Variants in IFT46 observed in about 807,000 individuals in gnomAD.
IFT46 encodes intraflagellar transport protein 46 homolog.
IFT46 carries 19 observed loss-of-function variants against 39.6 expected under a neutral mutation model. The observed-to-expected ratio is 0.48, with a 90% CI of 0.33 to 0.70. The LOEUF is 0.70. Among genes scored for constraint, IFT46 ranks in the 30% least tolerant of loss-of-function variants. The pLI is 0.01. For missense variants in IFT46, 334 were observed against 364.8 expected (o/e 0.92, Z 0.69); for synonymous variants, 117 against 134.8 (o/e 0.87, Z 0.91).
intron 9 of IFT46, chr11:118,546,661 T>C (rs1591357445): frequency 6.4e-6 from 1 of 157,208 alleles, no homozygotes; most frequent in East Asian, 1.9e-4. Flanking sequence ...CATGCTATTT[T>C]TTCCCCCGAT....
chr11:118,569,031 A>G (rs1211960105), upstream of IFT46, among the ~76,000 whole-genome samples: 1 of 151,800 alleles, frequency 6.6e-6, no homozygotes, highest in Non-Finnish European at 1.5e-5. Context: ...CTGTAATCCC[A>G]GCACTCTGGG....
chr11:118,555,590 CT>C (rs1198027291), intron 4 of IFT46: 65 of 323,862 alleles, frequency 2.0e-4, no homozygotes, highest in Middle Eastern at 1.8e-3. Flanking sequence ...AATGGTTTTC[CT>C]TTTTTTTAAT....
chr11:118,544,792 C>T lies in IFT46; in HGVS notation c.*124G>A, dbSNP rs958309478. The T allele has an allele frequency of 4.9e-5, 34 of 690,322 alleles. No individual in the cohort carries two copies. The highest frequency in any genetic ancestry group is 8.1e-5 in the Non-Finnish European group (31 of 383,168). The allele number at this position is 690,322 out of a possible 1,614,324, so 42.8% of individuals were successfully genotyped here. A position where few individuals can be genotyped will look rare whatever the true frequency, so the allele number is the denominator to read the frequency against. On this transcript the variant is annotated 3_prime_UTR_variant, in exon 12 of 12. Transcript: ENST00000264021. ...CCCTCTGGCAGAGAGGGCAGCAGGA[C>T]ATGCACTGCCCCTGAGCCAAGCTGT...
intron 9 of IFT46, among the ~76,000 whole-genome samples, chr11:118,548,605 C>T (rs895583780): frequency 1.3e-5 from 2 of 150,866 alleles, no homozygotes; most frequent in African/African-American, 2.4e-5. Context: ...CCTCACGATC[C>T]GCCCGCCTCG....
intron 4 of IFT46, 168 bp from the exon 5 acceptor site, chr11:118,555,490 G>A (rs1239376558): frequency 1.8e-6 from 1 of 563,538 alleles, no homozygotes; most frequent in Non-Finnish European, 3.2e-6. Flanking sequence ...AAGGTTGATT[G>A]TACTTAACTC....
At chr11:118,555,444 A>G (rs764011941) in intron 4 of IFT46, 122 bp from the exon 5 acceptor site, 2 of 691,028 alleles carry the variant, frequency 2.9e-6, no homozygotes, top group African/African-American at 3.6e-5. Context: ...TGCCTCTCCA[A>G]TATCTGCCTT....
chr11:118,566,561 C>T (rs910410893), upstream of IFT46, among the ~76,000 whole-genome samples: 1 of 152,134 alleles, frequency 6.6e-6, no homozygotes, highest in African/African-American at 2.4e-5. Context: ...GGCGTGGTGG[C>T]GGACGCCTGT....
At chr11:118,548,322 C>T (rs1951743169) in intron 9 of IFT46, among the ~76,000 whole-genome samples, 1 of 149,556 alleles carries the variant, frequency 6.7e-6, no homozygotes. Context: ...TATGTAGAAC[C>T]TTTCATTTCT....
At chr11:118,560,132 G>A in intron 2 of IFT46, 1 of 381,354 alleles carries the variant, frequency 2.6e-6, no homozygotes. Flanking sequence ...ATAAACTCTG[G>A]CCAGGGGCAG....
Position 118,554,590 on chromosome 11 carries a change from G to T in IFT46, c.355-3C>A. 6.3e-7 allele frequency: 1 copy of T among 1,586,190 alleles called. No homozygotes were observed. Among genetic ancestry groups the T allele is most frequent in the Non-Finnish European group, 8.5e-7 (1 of 1,172,254 alleles). On this transcript the variant is annotated splice_polypyrimidine_tract_variant and splice_region_variant and intron_variant, in intron 6 of 11. Coordinates refer to ENST00000264021, the MANE Select transcript of IFT46 (RefSeq NM_001168618.2). Reference sequence around the variant, plus strand: ...GGCTTTCCATCAGGACGTGGGACCTGGTTAAGAAAAAGGTAAGAAAGCAGA... The same window carrying T: ...GGCTTTCCATCAGGACGTGGGACCTTGTTAAGAAAAAGGTAAGAAAGCAGA...
chr11:118,570,828 A>T (rs1938321994), upstream of IFT46, among the ~76,000 whole-genome samples: 1 of 152,184 alleles, frequency 6.6e-6, no homozygotes, highest in African/African-American at 2.4e-5. Flanking sequence ...TTAAAGATAT[A>T]ATTTACAAAT....
chr11:118,555,111 A>G (rs1555069216), intron 5 of IFT46, 28 bp from the exon 6 acceptor site: 1 of 1,576,582 alleles, frequency 6.3e-7, no homozygotes, highest in East Asian at 2.2e-5. Context: ...GGGAAGGTGG[A>G]GACAGTCAGA....
At chr11:118,561,124 G>A in intron 2 of IFT46, 1 of 1,480,838 alleles carries the variant, frequency 6.8e-7, no homozygotes, top group Non-Finnish European at 9.3e-7. Context: ...CCTGCTATTT[G>A]GATACAGGTC....
At chr11:118,559,657 A>G (rs1386969589) in intron 3 of IFT46, 128 bp downstream of exon 3, 1 of 737,040 alleles carries the variant, frequency 1.4e-6, no homozygotes, top group Non-Finnish European at 2.4e-6. Flanking sequence ...ATTTTCCTCC[A>G]TGAGCTCAAA....
At chr11:118,574,430 C>T (rs540522058), upstream of IFT46, among the ~76,000 whole-genome samples, 1 of 152,216 alleles carries the variant, frequency 6.6e-6, no homozygotes, top group African/African-American at 2.4e-5. Flanking sequence ...TTTCCAACAT[C>T]TGGAAAAGTT....
intron 9 of IFT46, among the ~76,000 whole-genome samples, chr11:118,550,956 G>C (rs953124238): frequency 4.7e-4 from 72 of 151,628 alleles, no homozygotes; most frequent in Middle Eastern, 3.4e-3. Context: ...GAACCTGCGG[G>C]GGGTACGGAG....
At position 118,544,917 on chromosome 11, in the gene IFT46, C is replaced by A; in HGVS notation, c.914G>T (p.Ter305LeuextTer18). Residue 305 changes from the stop codon to leucine (L), a stop_lost, in exon 12 of 12, where the codon TGA becomes TTA. Transcript: ENST00000264021. ...TGAAACAGCAGCTTGGGAAGTGTCT[C>A]AGCTGAAGGTTAATGTCTCCATGTC... ...AGDMETLTFS[*>L] 3.7e-6 allele frequency: 6 copies of A among 1,607,322 alleles called. No individual in the cohort carries two copies. Among genetic ancestry groups the A allele is most frequent in the Non-Finnish European group, 5.1e-6 (6 of 1,174,150 alleles).
intron 4 of IFT46, 66 bp from the exon 5 acceptor site, chr11:118,555,388 G>A: frequency 1.7e-6 from 2 of 1,198,546 alleles, no homozygotes; most frequent in South Asian, 2.4e-5. Flanking sequence ...GGTCCTAGGT[G>A]CTGGTGTGTT....
At chr11:118,572,446 A>G (rs1938363776) in intron 1 of IFT46, 10 of 1,227,900 alleles carry the variant, frequency 8.1e-6, no homozygotes, top group South Asian at 5.6e-5. Flanking sequence ...GTTCCTGTCA[A>G]GGGGGCAGCA....
Sources: allele counts gnomAD v4.1 joint callset (sites outside exome capture counted in the v4.1 genomes callset), GRCh38; gene constraint gnomAD v4.1.1; transcripts MANE v1.5; gene names NCBI Gene and HGNC (gene_info 2026-07-23, HGNC 2026-07-21).